The following FMN1 variants were observed in gnomAD, a reference collection of about 807,000 sequenced individuals.
FMN1 encodes the protein formin 1, also known as formin-1.
In FMN1, 110 loss-of-function variants were observed where a neutral mutation model predicts 132.4. The ratio of observed to expected loss-of-function variants is 0.83; its 90% CI spans 0.71 to 0.97. The LOEUF (loss-of-function observed/expected upper bound fraction) is 0.97. Among genes scored for constraint, FMN1 ranks in the 50% least tolerant of loss-of-function variants. FMN1 has a pLI of 0.00. For synonymous variants in FMN1, 722 were observed against 651.7 expected, an observed-to-expected ratio of 1.11 and a Z score of -1.64; for missense variants, 1,792 against 1,705.3, an observed-to-expected ratio of 1.05 and a Z score of -0.90.
intron 6 of FMN1, among the ~76,000 whole-genome samples, chr15:33,048,631 CA>C (rs768997793): frequency 0.027 from 1,159 of 43,412 alleles, 96 homozygotes; most frequent in East Asian, 0.058. Flanking sequence ...GGCAATTTAC[CA>C]AAAAAAAAAA....
rs908195316 is a variant in FMN1 at position 33,118,873 on chromosome 15, AAAT to A, written c.1868-29902_1868-29900del. On this transcript the variant is annotated intron_variant, in intron 4 of 20. Transcript: ENST00000616417. ...TCATACTCCAAAGTCTTTATGAAGA[AAAT>A]AATGTCTATAAAAAAAGATTGGCCG... Among the ~76,000 whole-genome samples, 92 of 152,200 alleles carry A rather than the reference AAAT, an allele frequency of 6.0e-4. 2 individuals are homozygous for A. The highest frequency in any genetic ancestry group is 2.0e-3 in the African/African-American group (84 of 41,526).
At chr15:33,175,059 C>A (rs1965468739) in intron 3 of FMN1, among the ~76,000 whole-genome samples, 1 of 151,880 alleles carries the variant, frequency 6.6e-6, no homozygotes, top group Non-Finnish European at 1.5e-5. Flanking sequence ...CAGGGTCTCA[C>A]CCAGGCTGGA....
chr15:33,163,701 T>C (rs2140305691), intron 3 of FMN1, among the ~76,000 whole-genome samples: 1 of 151,868 alleles, frequency 6.6e-6, no homozygotes, highest in East Asian at 1.9e-4. Context: ...CACTGCAACC[T>C]CCACCTCCTG....
At chr15:33,031,163 A>G (rs540010068) in intron 6 of FMN1, among the ~76,000 whole-genome samples, 1 of 152,334 alleles carries the variant, frequency 6.6e-6, no homozygotes, top group African/African-American at 2.4e-5. Context: ...AATAAGAAAT[A>G]CAGCCAGGAT....
intron 19 of FMN1, among the ~76,000 whole-genome samples, chr15:32,780,932 GA>G (rs2056642670): frequency 6.6e-6 from 1 of 152,164 alleles, no homozygotes; most frequent in African/African-American, 2.4e-5. Flanking sequence ...ACACACATAT[GA>G]AAGTATTCAA....
chr15:33,061,071 G>A (rs1342761829), intron 6 of FMN1, among the ~76,000 whole-genome samples: 1 of 152,204 alleles, frequency 6.6e-6, no homozygotes, highest in Non-Finnish European at 1.5e-5. Context: ...CCCACAGATG[G>A]CTGTGGGGTG....
chr15:32,867,118 C>T (rs1428088382), intron 16 of FMN1, among the ~76,000 whole-genome samples: 3 of 152,202 alleles, frequency 2.0e-5, no homozygotes, highest in East Asian at 1.9e-4. Context: ...CATTACTCTT[C>T]ACCAGGCTGC....
intron 2 of FMN1, 66 bp from the exon 3 acceptor site, chr15:33,180,328 G>T (rs1322095702): frequency 6.6e-6 from 1 of 151,978 alleles, no homozygotes; most frequent in Non-Finnish European, 1.5e-5. Flanking sequence ...GTGTGTATGT[G>T]TTACTGTGTT....
intron 4 of FMN1, among the ~76,000 whole-genome samples, chr15:33,130,183 T>G (rs1963478665): frequency 6.6e-6 from 1 of 152,222 alleles, no homozygotes; most frequent in East Asian, 1.9e-4. Flanking sequence ...ACCTTCCTCT[T>G]ATGCCAGTTA....
chr15:32,935,591 C>G (rs1009998464), intron 9 of FMN1, among the ~76,000 whole-genome samples: 1 of 151,914 alleles, frequency 6.6e-6, no homozygotes, highest in Non-Finnish European at 1.5e-5. Flanking sequence ...GTCTATTGAT[C>G]TGCTTGACGG....
At chr15:33,007,793 C>G (rs114187675) in intron 7 of FMN1, among the ~76,000 whole-genome samples, 153 of 152,316 alleles carry the variant, frequency 1.0e-3, no homozygotes, top group African/African-American at 3.5e-3. Context: ...CCAATCCAAT[C>G]AAATGCATTT....
intron 6 of FMN1, among the ~76,000 whole-genome samples, chr15:33,030,277 C>T (rs12903271): frequency 0.18 from 27,741 of 152,160 alleles, 2,701 homozygotes; most frequent in Middle Eastern, 0.24. Context: ...GAGGAGAGGC[C>T]GGAATTTGGA....
chr15:32,981,671 G>T (rs998214301), intron 7 of FMN1, among the ~76,000 whole-genome samples: 5 of 151,596 alleles, frequency 3.3e-5, no homozygotes, highest in African/African-American at 9.7e-5. Context: ...ATATACTTAG[G>T]ACCTTGGATT....
At chr15:32,919,872 C>A (rs1016891129) in intron 10 of FMN1, among the ~76,000 whole-genome samples, 4 of 152,158 alleles carry the variant, frequency 2.6e-5, no homozygotes, top group Admixed American at 2.6e-4. Flanking sequence ...GAAACAAGGT[C>A]CAGCGGGCAT....
At chr15:33,084,158 T>G (rs572061170) in intron 5 of FMN1, among the ~76,000 whole-genome samples, 26 of 152,362 alleles carry the variant, frequency 1.7e-4, no homozygotes, top group African/African-American at 6.0e-4. Flanking sequence ...GCTCTGCCTA[T>G]GGAGTAGCTA....
chr15:33,187,314 T>C (rs765602595), intron 2 of FMN1, among the ~76,000 whole-genome samples: 1 of 152,202 alleles, frequency 6.6e-6, no homozygotes, highest in Non-Finnish European at 1.5e-5. Flanking sequence ...CTCAAAATTC[T>C]AAACTCTTAG....
At chr15:33,030,758 GA>G (rs1367325945) in intron 6 of FMN1, among the ~76,000 whole-genome samples, 1 of 152,144 alleles carries the variant, frequency 6.6e-6, no homozygotes, top group Non-Finnish European at 1.5e-5. Context: ...TTCAGGTGTA[GA>G]AAATGTGTAT....
Position 32,964,151 on chromosome 15 carries a change from T to A in FMN1, c.3094A>T (p.Lys1032Ter), listed in dbSNP as rs1034079584. 1.9e-6 allele frequency: 3 copies of A among 1,613,318 alleles called. No individual in the cohort carries two copies. The highest frequency in any genetic ancestry group is 2.5e-6 in the Non-Finnish European group (3 of 1,179,554). ...TTCTCATAAGTCTCTGACAGAGGTT[T>A]TTTCTTCTGTTGAGTTGTGTCTTTG... The part of the protein sequence containing the change: ...FSKDTTQQKK[K>*]PLSETYEKKN... Residue 1032 changes from lysine to a stop codon, truncating the protein, a stop_gained, in exon 9 of 21, where the codon AAA becomes TAA. Transcript: ENST00000616417. LOFTEE classifies it high-confidence loss of function.
At chr15:32,834,223 T>C (rs373935181) in intron 17 of FMN1, among the ~76,000 whole-genome samples, 1 of 152,326 alleles carries the variant, frequency 6.6e-6, no homozygotes, top group South Asian at 2.1e-4. Context: ...TTTCTGTTAA[T>C]ATCAACCAAA....
Sources: gnomAD v4.1 joint callset for allele counts (sites outside exome capture counted in the v4.1 genomes callset) on GRCh38, gnomAD v4.1.1 for gene constraint, MANE v1.5 for transcripts, NCBI Gene and HGNC (gene_info 2026-07-23, HGNC 2026-07-21) for gene names.